Variants in FTCDNL1 observed in about 807,000 individuals in gnomAD.
FTCDNL1 encodes formiminotransferase cyclodeaminase N-terminal like.
In FTCDNL1, 11 loss-of-function variants were observed where a neutral mutation model predicts 5.9. The ratio of observed to expected loss-of-function variants is 1.87; its 90% CI spans 1.18 to 3.10. FTCDNL1 has a LOEUF of 3.10. FTCDNL1 is among the 30% of genes most tolerant of loss of function. The pLI, the probability that FTCDNL1 is intolerant of heterozygous loss-of-function variation, is 0.00. For missense variants in FTCDNL1, 115 were observed against 65.5 expected, an observed-to-expected ratio of 1.76 and a Z score of -2.61; for synonymous variants, 58 against 24.8, an observed-to-expected ratio of 2.34 and a Z score of -3.99.
Position 199,797,900 on chromosome 2 carries a change from A to G in FTCDNL1, c.212-37065T>C, listed in dbSNP as rs1315237870. Among the ~76,000 whole-genome samples the G allele has an allele frequency of 2.6e-5, 4 of 152,192 alleles. No individual in the cohort carries two copies. The East Asian group carries it at 7.7e-4, about 29-fold the overall frequency. Reference sequence around the variant, plus strand: ...TTACAAGTAGATCATGGGGCATTTAAAAGACAGCCTGAATTTAAGAGTAAA... The same window carrying G: ...TTACAAGTAGATCATGGGGCATTTAGAAGACAGCCTGAATTTAAGAGTAAA... On this transcript the variant is annotated intron_variant, in intron 3 of 3. Transcript: ENST00000416668.
intron 3 of FTCDNL1, among the ~76,000 whole-genome samples, chr2:199,832,804 C>T (rs1304558131): frequency 1.3e-5 from 2 of 152,044 alleles, no homozygotes; most frequent in East Asian, 3.9e-4. Flanking sequence ...GGGCTTTACA[C>T]AGTCATCGAT....
At chr2:199,729,912 T>C in the FTCDNL1 span, among the ~76,000 whole-genome samples, 1 of 152,100 alleles carries the variant, frequency 6.6e-6, no homozygotes, top group Non-Finnish European at 1.5e-5. Context: ...TAAGCAAAAA[T>C]AACAAAGCTA....
At chr2:199,782,917 A>T (rs1188551474) in intron 3 of FTCDNL1, among the ~76,000 whole-genome samples, 1 of 152,172 alleles carries the variant, frequency 6.6e-6, no homozygotes, top group Non-Finnish European at 1.5e-5. Flanking sequence ...ACAAAGGACT[A>T]TGATTTTTTT....
At chr2:199,804,260 A>G (rs1489549703) in intron 3 of FTCDNL1, among the ~76,000 whole-genome samples, 2 of 152,222 alleles carry the variant, frequency 1.3e-5, no homozygotes, top group Non-Finnish European at 2.9e-5. Context: ...GACTGGCTTC[A>G]GACGGGGCTT....
chr2:199,692,075 C>T, the FTCDNL1 span, among the ~76,000 whole-genome samples: 2 of 152,136 alleles, frequency 1.3e-5, no homozygotes, highest in Non-Finnish European at 2.9e-5. Context: ...GGAGAACATA[C>T]AAGACCAAGA....
chr2:199,671,927 G>T, the FTCDNL1 span, among the ~76,000 whole-genome samples: 11 of 152,232 alleles, frequency 7.2e-5, no homozygotes, highest in African/African-American at 2.6e-4. Flanking sequence ...AAGTTTTATT[G>T]TATCTGTTTA....
At chr2:199,732,665 A>C in the FTCDNL1 span, among the ~76,000 whole-genome samples, 2 of 152,220 alleles carry the variant, frequency 1.3e-5, no homozygotes, top group Admixed American at 1.3e-4. Flanking sequence ...AAAAGCCAAC[A>C]CATAGACTTC....
At chr2:199,755,815 C>A (rs77212423), downstream of FTCDNL1, among the ~76,000 whole-genome samples, 3 of 151,994 alleles carry the variant, frequency 2.0e-5, no homozygotes, top group African/African-American at 7.3e-5. Flanking sequence ...ATGTTTGCTG[C>A]GAGGATTAAG....
chr2:199,770,512 A>G (rs1698757319), intron 3 of FTCDNL1, among the ~76,000 whole-genome samples: 2 of 152,182 alleles, frequency 1.3e-5, no homozygotes, highest in African/African-American at 4.8e-5. Flanking sequence ...CTACTTCTTC[A>G]TATCTGAATC....
the FTCDNL1 span, among the ~76,000 whole-genome samples, chr2:199,671,406 C>A: frequency 0.048 from 7,333 of 151,720 alleles, 608 homozygotes; most frequent in African/African-American, 0.17. Context: ...GGGAGAAGGG[C>A]ATTCCAGGCA....
At chr2:199,839,354 T>C (rs952561069) in intron 3 of FTCDNL1, among the ~76,000 whole-genome samples, 16 of 152,078 alleles carry the variant, frequency 1.1e-4, no homozygotes, top group African/African-American at 3.4e-4. Context: ...ATAGAAGCCA[T>C]AAAAACTTAT....
At chr2:199,817,692 G>A (rs181185022) in intron 4 of FTCDNL1, among the ~76,000 whole-genome samples, 5 of 150,644 alleles carry the variant, frequency 3.3e-5, no homozygotes, top group South Asian at 2.1e-4. Flanking sequence ...GCAGTGAGCC[G>A]AGATCGCACC....
chr2:199,728,740 T>G, the FTCDNL1 span, among the ~76,000 whole-genome samples: 1 of 152,226 alleles, frequency 6.6e-6, no homozygotes, highest in Non-Finnish European at 1.5e-5. Flanking sequence ...TTTGATCACA[T>G]TGAGCATGTA....
the FTCDNL1 span, among the ~76,000 whole-genome samples, chr2:199,695,578 T>G: frequency 0.68 from 99,970 of 146,170 alleles, 36,296 homozygotes; most frequent in South Asian, 0.9. Flanking sequence ...ACCCTGCATG[T>G]GGTTGCCGAG....
At chr2:199,757,738 G>A (rs755790184), downstream of FTCDNL1, among the ~76,000 whole-genome samples, 6 of 152,194 alleles carry the variant, frequency 3.9e-5, no homozygotes, top group Admixed American at 3.3e-4. Flanking sequence ...CTTGTAGTCA[G>A]TGTAGTTTTG....
the FTCDNL1 span, among the ~76,000 whole-genome samples, chr2:199,742,680 G>A: frequency 2.6e-5 from 4 of 152,110 alleles, no homozygotes; most frequent in East Asian, 7.7e-4. Flanking sequence ...TACAGATGAG[G>A]AAATCAGGCA....
intron 4 of FTCDNL1, chr2:199,818,745 T>C (rs1483893008): frequency 6.6e-6 from 1 of 152,192 alleles, no homozygotes; most frequent in Non-Finnish European, 1.5e-5. Flanking sequence ...AATGTGTTTC[T>C]TATGCTCGCC....
intron 3 of FTCDNL1, among the ~76,000 whole-genome samples, chr2:199,763,911 G>A (rs1363049307): frequency 6.6e-6 from 1 of 152,112 alleles, no homozygotes; most frequent in Non-Finnish European, 1.5e-5. Flanking sequence ...GCACAATCTT[G>A]GCTCACTGCA....
At chr2:199,727,306 C>T in the FTCDNL1 span, among the ~76,000 whole-genome samples, 19 of 152,202 alleles carry the variant, frequency 1.2e-4, no homozygotes, top group Non-Finnish European at 1.5e-4. Flanking sequence ...GCCTCCCCTC[C>T]CTCAGAGAAC....
Sources: gnomAD v4.1 joint callset for allele counts (sites outside exome capture counted in the v4.1 genomes callset) on GRCh38, gnomAD v4.1.1 for gene constraint, MANE v1.5 for transcripts, NCBI Gene and HGNC (gene_info 2026-07-23, HGNC 2026-07-21) for gene names.